The following TANGO6 variants were observed in gnomAD, a reference collection of about 807,000 sequenced individuals.
TANGO6 encodes the protein transport and Golgi organization protein 6 homolog.
Under a neutral mutation model 114.2 loss-of-function variants are expected in TANGO6, and 90 were observed. The observed-to-expected ratio is 0.79, with a 90% confidence interval of 0.66 to 0.94. The LOEUF is 0.94. Ranked by LOEUF, TANGO6 falls within the 40% of genes least tolerant of loss-of-function variation. The probability of loss-of-function intolerance (pLI) is 0.00; values close to 1 mark genes in which losing one functional copy is unlikely to be tolerated. For missense variants in TANGO6, 1,274 were observed against 1,315.3 expected (o/e 0.97, Z 0.49); for synonymous variants, 477 against 509.8 (o/e 0.94, Z 0.87).
intron 11 of TANGO6, among the ~76,000 whole-genome samples, chr16:68,914,958 TACACACACACACACAC>T (rs3061679): frequency 1.3e-4 from 18 of 135,248 alleles, no homozygotes; most frequent in South Asian, 4.9e-4. Flanking sequence ...TTTTGATATC[TACACACACACACACAC>T]ACACACACAC....
chr16:69,020,843 G>A (rs1351219171), intron 15 of TANGO6, among the ~76,000 whole-genome samples: 2 of 151,838 alleles, frequency 1.3e-5, no homozygotes, highest in Admixed American at 1.3e-4. Context: ...GCTGCAGTGA[G>A]CTGTGATCAC....
chr16:68,894,466 T>G (rs1264457521), intron 7 of TANGO6, among the ~76,000 whole-genome samples: 1 of 151,820 alleles, frequency 6.6e-6, no homozygotes. Flanking sequence ...GGGAGCTGTA[T>G]AAGTAGGAGG....
At chr16:68,978,254 A>G (rs1232457616) in intron 15 of TANGO6, among the ~76,000 whole-genome samples, 1 of 152,210 alleles carries the variant, frequency 6.6e-6, no homozygotes, top group Non-Finnish European at 1.5e-5. Context: ...CATATTTCAG[A>G]GTCCCCATTG....
chr16:68,989,395 T>G (rs1362402904), intron 15 of TANGO6, among the ~76,000 whole-genome samples: 1 of 152,200 alleles, frequency 6.6e-6, no homozygotes, highest in East Asian at 1.9e-4. Flanking sequence ...CATTGCCATT[T>G]CACTGTTTAA....
chr16:68,853,661 T>C (rs751292040), intron 1 of TANGO6, among the ~76,000 whole-genome samples: 1 of 152,196 alleles, frequency 6.6e-6, no homozygotes, highest in Non-Finnish European at 1.5e-5. Context: ...ACAAGTATGT[T>C]AGAGTGGAAT....
chr16:68,916,324 A>G (rs1345872590), intron 11 of TANGO6, among the ~76,000 whole-genome samples: 2 of 151,984 alleles, frequency 1.3e-5, no homozygotes, highest in Non-Finnish European at 2.9e-5. Context: ...TTAGATTCTC[A>G]TAGGAGCACA....
Position 68,860,187 on chromosome 16 carries a change from G to A in TANGO6, c.398G>A (p.Ser133Asn). The change falls in exon 2 of 18, where the codon AGC (serine) becomes AAC (asparagine). Residue 133 changes from serine (S) to asparagine (N), a missense_variant. By Grantham distance (46) the Ser-to-Asn change is conservative (BLOSUM62 1). This residue lies in a region of TANGO6 where 908 missense variants were observed against 910.2 expected (regional missense o/e 1.00). Transcript: ENST00000261778. ...ACTCCGGAAGTTGCTCCTGCCCTGA[G>A]CCCCGATGCACTTAGTATCTCACAA... ...PRTPEVAPAL[S>N]PDALSISQQK... 1 of 1,613,964 alleles carries A rather than the reference G, an allele frequency of 6.2e-7. No individual in the cohort carries two copies. The highest frequency in any genetic ancestry group is 2.2e-5 in the East Asian group (1 of 44,884).
intron 17 of TANGO6, among the ~76,000 whole-genome samples, chr16:69,072,313 A>T (rs1274754480): frequency 6.6e-6 from 1 of 152,030 alleles, no homozygotes; most frequent in Non-Finnish European, 1.5e-5. Context: ...CAAGCAGCTA[A>T]ACTAGCTTTC....
At chr16:69,014,829 G>A (rs1265318184) in intron 15 of TANGO6, among the ~76,000 whole-genome samples, 1 of 150,726 alleles carries the variant, frequency 6.6e-6, no homozygotes, top group Non-Finnish European at 1.5e-5. Context: ...CCAGGAGTTT[G>A]ATTCTGCAGT....
In TANGO6 at chr16:68,880,637, A is replaced by C; in HGVS notation, c.1377+7A>C. The stretch of plus-strand genomic sequence containing the variant: ...CATTGAGGATGTGTTTAAGGTTGGT[A>C]ATCTGAGTCACTAATGTTTTTATTT... On this transcript the variant is annotated splice_region_variant and intron_variant, in intron 7 of 17. Coordinates refer to ENST00000261778, the MANE Select transcript of TANGO6 (RefSeq NM_024562.2). The C allele has an allele frequency of 6.4e-7, 1 of 1,556,868 alleles. No homozygotes were observed. Among genetic ancestry groups the C allele is most frequent in the Non-Finnish European group, 8.7e-7 (1 of 1,155,334 alleles).
rs147198935 is a variant in TANGO6, at chr16:68,981,468, C to T, written c.2842+7300C>T. On this transcript the variant is annotated intron_variant, in intron 15 of 17. Transcript: ENST00000261778. ...TCAGGTGATCCACCTGCCTCGGCCTCCAAAAATGCTGGAATTACAGGCGTG... is the reference window on the plus strand; with the variant it reads ...TCAGGTGATCCACCTGCCTCGGCCTTCAAAAATGCTGGAATTACAGGCGTG... Among the ~76,000 whole-genome samples the T allele has an allele frequency of 4.7e-3, 711 of 152,104 alleles. 5 individuals are homozygous for T. Among genetic ancestry groups the T allele is most frequent in the African/African-American group, 0.016 (678 of 41,512 alleles).
At chr16:69,000,830 G>A (rs1045005858) in intron 15 of TANGO6, among the ~76,000 whole-genome samples, 3 of 152,058 alleles carry the variant, frequency 2.0e-5, no homozygotes, top group African/African-American at 7.2e-5. Flanking sequence ...GACCTCAAGT[G>A]ATCTGCCCAC....
At chr16:68,915,000 C>CACACACACACAT (rs1491328186) in intron 11 of TANGO6, among the ~76,000 whole-genome samples, 3 of 138,842 alleles carry the variant, frequency 2.2e-5, no homozygotes, top group African/African-American at 8.1e-5. Flanking sequence ...CACACACACA[C>CACACACACACAT]ATATAGATAG....
intron 14 of TANGO6, among the ~76,000 whole-genome samples, chr16:68,967,639 T>C (rs562251214): frequency 6.6e-6 from 1 of 152,254 alleles, no homozygotes; most frequent in Non-Finnish European, 1.5e-5. Flanking sequence ...AATGGAATTA[T>C]ACAATGTGTG....
intron 14 of TANGO6, chr16:68,933,898 A>G (rs1195848970): frequency 1.3e-5 from 2 of 152,316 alleles, no homozygotes; most frequent in African/African-American, 4.8e-5. Context: ...CAGTGAGCAC[A>G]AAGGTAAGTG....
intron 11 of TANGO6, among the ~76,000 whole-genome samples, chr16:68,916,225 T>G (rs1963002686): frequency 6.6e-6 from 1 of 152,050 alleles, no homozygotes; most frequent in African/African-American, 2.4e-5. Flanking sequence ...CTGTGGCCTG[T>G]TAGGAACCAG....
At chr16:68,866,405 T>C (rs1268540776) in intron 3 of TANGO6, among the ~76,000 whole-genome samples, 1 of 139,896 alleles carries the variant, frequency 7.1e-6, no homozygotes, top group East Asian at 2.2e-4. Context: ...GGGTGGATCA[T>C]GAGGTCAGGA....
At chr16:68,848,246 A>G (rs1163086418) in intron 1 of TANGO6, among the ~76,000 whole-genome samples, 4 of 152,100 alleles carry the variant, frequency 2.6e-5, no homozygotes, top group Non-Finnish European at 5.9e-5. Context: ...AGCTGGGACT[A>G]CAGGGATGTC....
At chr16:68,845,614 C>G (rs540139741) in intron 1 of TANGO6, among the ~76,000 whole-genome samples, 31 of 152,148 alleles carry the variant, frequency 2.0e-4, no homozygotes, top group African/African-American at 7.2e-4. Flanking sequence ...CTTTGGGAGG[C>G]TGAGGCAGGA....
Sources: allele counts gnomAD v4.1 joint callset (sites outside exome capture counted in the v4.1 genomes callset), GRCh38; gene constraint gnomAD v4.1.1; regional missense constraint gnomAD v4.1.1; transcripts MANE v1.5; gene names NCBI Gene and HGNC (gene_info 2026-07-23, HGNC 2026-07-21).